Variants in THSD7B observed in about 807,000 individuals in gnomAD.
THSD7B encodes thrombospondin type-1 domain-containing protein 7B.
A neutral mutation model predicts 213.6 loss-of-function variants in THSD7B; 138 were observed. That is an observed-to-expected ratio of 0.65 (90% CI 0.56 to 0.74). The LOEUF is 0.74. THSD7B is among the 30% of genes least tolerant of loss of function. The pLI is 0.00. For missense variants in THSD7B, 1,931 were observed against 1,991.5 expected, an observed-to-expected ratio of 0.97 and a Z score of 0.58; for synonymous variants, 742 against 687.0, an observed-to-expected ratio of 1.08 and a Z score of -1.25.
intron 15 of THSD7B, among the ~76,000 whole-genome samples, chr2:137,531,412 A>G (rs1680394659): frequency 6.6e-6 from 1 of 151,974 alleles, no homozygotes; most frequent in Admixed American, 6.6e-5. Flanking sequence ...GCATAGAGGT[A>G]GCACTCAGGG....
intron 10 of THSD7B, among the ~76,000 whole-genome samples, chr2:137,255,212 C>T (rs1682278868): frequency 6.6e-6 from 1 of 152,166 alleles, no homozygotes; most frequent in Admixed American, 6.5e-5. Flanking sequence ...AAAATATCAG[C>T]TGCTTCTCAA....
chr2:136,836,183 A>G (rs147599203), intron 1 of THSD7B, among the ~76,000 whole-genome samples: 47 of 152,334 alleles, frequency 3.1e-4, no homozygotes, highest in Middle Eastern at 3.4e-3. Flanking sequence ...ACACATATTT[A>G]TTCAAAAAGT....
intron 2 of THSD7B, among the ~76,000 whole-genome samples, chr2:136,908,379 A>G (rs1226991710): frequency 6.6e-6 from 1 of 152,226 alleles, no homozygotes; most frequent in Non-Finnish European, 1.5e-5. Flanking sequence ...TATCATCCAT[A>G]TATTACATCT....
chr2:137,303,504 G>C (rs1023018696), intron 12 of THSD7B, among the ~76,000 whole-genome samples: 2 of 150,584 alleles, frequency 1.3e-5, no homozygotes, highest in Non-Finnish European at 2.9e-5. Flanking sequence ...GAATTAATGT[G>C]GTCCTCAAAG....
intron 4 of THSD7B, among the ~76,000 whole-genome samples, chr2:137,104,829 A>G (rs1688217200): frequency 6.6e-6 from 1 of 152,218 alleles, no homozygotes; most frequent in Admixed American, 6.5e-5. Context: ...AAATTCCTGG[A>G]CACTTACACC....
At chr2:137,323,175 G>A (rs1007126253) in intron 12 of THSD7B, among the ~76,000 whole-genome samples, 6 of 152,214 alleles carry the variant, frequency 3.9e-5, no homozygotes, top group African/African-American at 1.4e-4. Flanking sequence ...GATCAGAAAT[G>A]ACGGAGTTAA....
intron 15 of THSD7B, among the ~76,000 whole-genome samples, chr2:137,459,373 T>A (rs1687833723): frequency 6.6e-6 from 1 of 152,060 alleles, no homozygotes; most frequent in Non-Finnish European, 1.5e-5. Flanking sequence ...GACTTAAGAT[T>A]CAAGATAGAA....
intron 2 of THSD7B, among the ~76,000 whole-genome samples, chr2:137,039,798 A>C (rs1686847282): frequency 6.6e-6 from 1 of 152,230 alleles, no homozygotes. Flanking sequence ...CCCCCCGTTT[A>C]AACTATTTAC....
chr2:137,413,623 A>G (rs1686722515), intron 14 of THSD7B, among the ~76,000 whole-genome samples: 1 of 152,220 alleles, frequency 6.6e-6, no homozygotes, highest in Non-Finnish European at 1.5e-5. Context: ...AAGCTAGGAA[A>G]GGTGTTTTGG....
intron 10 of THSD7B, among the ~76,000 whole-genome samples, chr2:137,265,009 G>GAAGTTCCC (rs543541021): frequency 0.027 from 4,027 of 151,922 alleles, 101 homozygotes; most frequent in Middle Eastern, 0.092. Context: ...CCCAGAGTGT[G>GAAGTTCCC]ATGTTCCCCT....
intron 4 of THSD7B, among the ~76,000 whole-genome samples, chr2:137,104,325 G>C (rs1250556310): frequency 6.6e-6 from 1 of 152,170 alleles, no homozygotes; most frequent in Non-Finnish European, 1.5e-5. Context: ...TAAGTTCTTT[G>C]AAACTAGTGA....
At chr2:137,129,908 C>T (rs62172308) in intron 5 of THSD7B, among the ~76,000 whole-genome samples, 9 of 152,220 alleles carry the variant, frequency 5.9e-5, no homozygotes, top group South Asian at 4.1e-4. Flanking sequence ...AATGAGAATA[C>T]GATGAGCATT....
At chr2:137,567,322 C>T (rs891250924) in intron 16 of THSD7B, among the ~76,000 whole-genome samples, 1 of 151,958 alleles carries the variant, frequency 6.6e-6, no homozygotes, top group Non-Finnish European at 1.5e-5. Context: ...GTGCCCACCA[C>T]CACACCCAGC....
chr2:137,476,430 A>G (rs928553799), intron 15 of THSD7B, among the ~76,000 whole-genome samples: 6 of 151,736 alleles, frequency 4.0e-5, no homozygotes, highest in Non-Finnish European at 7.4e-5. Context: ...ATCTTTTCTC[A>G]TAGTGGTTTC....
At chr2:137,237,782 A>G (rs889039581) in intron 9 of THSD7B, among the ~76,000 whole-genome samples, 2 of 152,224 alleles carry the variant, frequency 1.3e-5, no homozygotes, top group African/African-American at 4.8e-5. Context: ...GAAAGGATAG[A>G]CAATGTGTAG....
chr2:137,655,826 G>C (rs1683226107), intron 22 of THSD7B, among the ~76,000 whole-genome samples, 166 bp downstream of exon 22: 1 of 151,984 alleles, frequency 6.6e-6, no homozygotes, highest in Non-Finnish European at 1.5e-5. Flanking sequence ...GGCTTTGATG[G>C]AGCCAAAGTA....
At chr2:137,100,230 G>C (rs1193553145) in intron 4 of THSD7B, among the ~76,000 whole-genome samples, 1 of 152,070 alleles carries the variant, frequency 6.6e-6, no homozygotes, top group Non-Finnish European at 1.5e-5. Flanking sequence ...CACCTCCTTT[G>C]CCTTTTGAAA....
chr2:137,193,205 A>G (rs368185308), intron 7 of THSD7B, among the ~76,000 whole-genome samples: 95 of 152,208 alleles, frequency 6.2e-4, no homozygotes, highest in African/African-American at 1.7e-3. Context: ...AATATCACAC[A>G]TGTGTGTATG....
intron 3 of THSD7B, among the ~76,000 whole-genome samples, chr2:137,079,943 G>A (rs934335971): frequency 1.3e-5 from 2 of 151,472 alleles, no homozygotes; most frequent in Non-Finnish European, 2.9e-5. Context: ...GGATTCAGGC[G>A]ATTCTCTTAC....
Sources: gnomAD v4.1 joint callset for allele counts (sites outside exome capture counted in the v4.1 genomes callset) on GRCh38, gnomAD v4.1.1 for gene constraint, MANE v1.5 for transcripts, NCBI Gene and HGNC (gene_info 2026-07-23, HGNC 2026-07-21) for gene names.